The following UGGT1 variants were observed in gnomAD, a reference collection of about 807,000 sequenced individuals.
UGGT1 encodes UDP-glucose glycoprotein glucosyltransferase 1, also known as UDP-glucose:glycoprotein glucosyltransferase 1.
UGGT1 carries 107 observed loss-of-function variants against 203.9 expected under a neutral mutation model. The observed-to-expected ratio is 0.52, with a 90% CI of 0.45 to 0.62. UGGT1 has a LOEUF of 0.62. Among genes scored for constraint, UGGT1 ranks in the 20% least tolerant of loss-of-function variants. UGGT1 has a pLI of 0.00. For missense variants in UGGT1, 1,673 were observed against 1,867.2 expected (o/e 0.90, Z 1.92); for synonymous variants, 628 against 653.5 (o/e 0.96, Z 0.59).
Position 128,130,089 on chromosome 2 carries a change from C to T in UGGT1, c.1377+910C>T, listed in dbSNP as rs1036678434. ...CAGCCTGGCCAACATGGTGAAACCC[C>T]GTCTGTACTCAAAATACAAAAATTA... is the stretch of plus-strand genomic sequence containing the variant. On this transcript the variant is annotated intron_variant, in intron 13 of 40. Coordinates refer to ENST00000259253, the MANE Select transcript of UGGT1 (RefSeq NM_020120.4). 7.9e-5 allele frequency among the ~76,000 whole-genome samples: 12 copies of T among 152,002 alleles called. No individual in the cohort carries two copies. In the South Asian group the frequency reaches 8.3e-4, roughly 11 times the overall value.
In UGGT1 at chr2:128,177,971, G is replaced by A. The variant is rs151025557; in HGVS notation, c.3713+51G>A. 145 of 1,470,756 alleles carry A rather than the reference G, an allele frequency of 9.9e-5. No homozygotes were observed. The African/African-American group carries it at 2.0e-3, about 20-fold the overall frequency. 91.1% of individuals were successfully genotyped at this position (1,470,756 alleles called of 1,614,324 possible). A position where few individuals can be genotyped will look rare whatever the true frequency, so the allele number is the denominator to read the frequency against. Reference sequence around the variant, plus strand: ...TTTTTAAGGAAAAACTGAGATATAAGCACCATCCATCCCTCCTTTTTGCAT... The same window carrying A: ...TTTTTAAGGAAAAACTGAGATATAAACACCATCCATCCCTCCTTTTTGCAT... On this transcript the variant is annotated intron_variant, in intron 33 of 40. Coordinates refer to ENST00000259253, the MANE Select transcript of UGGT1 (RefSeq NM_020120.4).
chr2:128,171,003 A>G (rs185168485), intron 27 of UGGT1, among the ~76,000 whole-genome samples: 207 of 152,280 alleles, frequency 1.4e-3, no homozygotes, highest in African/African-American at 4.7e-3. Flanking sequence ...GCAGCAGCCT[A>G]CTTCCCATTG....
At chr2:128,133,946 A>G (rs1689004471) in intron 14 of UGGT1, among the ~76,000 whole-genome samples, 1 of 152,092 alleles carries the variant, frequency 6.6e-6, no homozygotes, top group Admixed American at 6.6e-5. Flanking sequence ...ACAGCCGGGA[A>G]AGAGATAGTG....
Position 128,169,048 on chromosome 2 carries a change from T to TAAAAAAAAAAA in UGGT1, c.2922-1207_2922-1197dup, listed in dbSNP as rs544381740. ...GGGTGAATGAGCGAGACTCTGTCTT[T>TAAAAAAAAAAA]AAAAAAAAAAAAAAAAAAAAAAAAA... is the stretch of plus-strand genomic sequence containing the variant. On this transcript the variant is annotated intron_variant, in intron 26 of 40. Coordinates refer to ENST00000259253, the MANE Select transcript of UGGT1 (RefSeq NM_020120.4). Among the ~76,000 whole-genome samples the TAAAAAAAAAAA allele has an allele frequency of 8.0e-4, 42 of 52,562 alleles. 2 individuals are homozygous for TAAAAAAAAAAA. Among genetic ancestry groups the TAAAAAAAAAAA allele is most frequent in the Non-Finnish European group, 1.3e-3 (40 of 30,880 alleles). 34.5% of individuals were successfully genotyped at this position (52,562 alleles called of 152,430 possible).
At chr2:128,165,751 C>A (rs556065782) in intron 26 of UGGT1, among the ~76,000 whole-genome samples, 1 of 151,842 alleles carries the variant, frequency 6.6e-6, no homozygotes, top group African/African-American at 2.4e-5. Flanking sequence ...TCTCATTCAT[C>A]TTTTATTGAA....
At position 128,177,739 on chromosome 2, in the gene UGGT1, T is replaced by C. The variant is rs1691470697; in HGVS notation, c.3625-93T>C. ...GTGAGAGAATTGATTGATAATTCCC[T>C]ATTGATGACAGGCTCACAGTGTATA... On this transcript the variant is annotated intron_variant, in intron 32 of 40. Transcript: ENST00000259253. The C allele has an allele frequency of 1.9e-5, 19 of 1,002,960 alleles. No individual in the cohort carries two copies. The South Asian group carries it at 3.5e-4, about 18-fold the overall frequency. The allele number at this position is 1,002,960 out of a possible 1,614,324, so 62.1% of individuals were successfully genotyped here.
rs1432732613 is a variant in UGGT1 at position 128,172,621 on chromosome 2, T to C, written c.3153T>C (p.Asn1051=). ...LEPEISFTSD[N]SFAKGPIAKF... Reference sequence around the variant, plus strand: ...CAGAGATTTCTTTCACTTCAGACAATAGTTTTGCTAAGGGTCCAATCGCAA... The same window carrying C: ...CAGAGATTTCTTTCACTTCAGACAACAGTTTTGCTAAGGGTCCAATCGCAA... The change falls in exon 29 of 41, where the codon AAT becomes AAC. Residue 1051 remains asparagine (N), a synonymous_variant. Coordinates refer to ENST00000259253, the MANE Select transcript of UGGT1 (RefSeq NM_020120.4). The C allele has an allele frequency of 4.3e-6, 7 of 1,614,168 alleles. No individual in the cohort carries two copies. Among genetic ancestry groups the C allele is most frequent in the Non-Finnish European group, 5.1e-6 (6 of 1,180,030 alleles).
chr2:128,105,350 T>A (rs998463054), intron 3 of UGGT1, among the ~76,000 whole-genome samples: 3 of 150,862 alleles, frequency 2.0e-5, no homozygotes, highest in African/African-American at 7.3e-5. Flanking sequence ...ATTAAAAAAA[T>A]TTTTTTTTGT....
chr2:128,126,684 C>CT lies in UGGT1; in HGVS notation c.1135-659dup, dbSNP rs61353741. Among the ~76,000 whole-genome samples the CT allele has an allele frequency of 5.0e-3, 597 of 119,692 alleles. 28 individuals carry two copies. Among genetic ancestry groups the CT allele is most frequent in the African/African-American group, 0.012 (397 of 32,278 alleles). 78.5% of individuals were successfully genotyped at this position (119,692 alleles called of 152,430 possible). ...TGCTATTCACCAGCTCAGGGTCAGT[C>CT]TTTTTTTTTTTTTTTTTTGAGACAG... is the stretch of plus-strand genomic sequence containing the variant. On this transcript the variant is annotated intron_variant, in intron 11 of 40. Coordinates refer to ENST00000259253, the MANE Select transcript of UGGT1 (RefSeq NM_020120.4).
At position 128,127,345 on chromosome 2, in the gene UGGT1, T is replaced by C. The variant is rs766061242; in HGVS notation, c.1135-16T>C. 56 of 1,581,416 alleles carry C rather than the reference T, an allele frequency of 3.5e-5. No homozygotes were observed. The East Asian group carries it at 6.0e-4, about 17-fold the overall frequency. On this transcript the variant is annotated splice_polypyrimidine_tract_variant and intron_variant, in intron 11 of 40. Coordinates refer to ENST00000259253, the MANE Select transcript of UGGT1 (RefSeq NM_020120.4). ...CATTCTCTCACAGCTCCCTAATAAT[T>C]ATTAAAATTTTTCAGTATTTCAAGG... is the stretch of plus-strand genomic sequence containing the variant.
intron 6 of UGGT1, 103 bp from the exon 7 acceptor site, chr2:128,115,021 C>T (rs56397917): frequency 0.37 from 352,633 of 942,398 alleles, 70,193 homozygotes; most frequent in Non-Finnish European, 0.41. Flanking sequence ...GGGCATAATC[C>T]GAGGTAATGG....
Position 128,170,334 on chromosome 2 carries a change from G to A in UGGT1, c.2968G>A (p.Val990Met). The A allele has an allele frequency of 6.2e-7, 1 of 1,614,224 alleles. No individual in the cohort carries two copies. Among genetic ancestry groups the A allele is most frequent in the South Asian group, 1.1e-5 (1 of 91,090 alleles). ...PKEGETYFDVVAVVDPVTREA... is the reference protein window; with the variant it reads ...PKEGETYFDVMAVVDPVTREA... ...GGAAGGGGAGACATACTTTGATGTT[G>A]TGGCTGTCGTTGACCCTGTCACCAG... Residue 990 changes from valine to methionine, a missense_variant, in exon 27 of 41, where the codon GTG becomes ATG. This residue lies in a region of UGGT1 where 1,073 missense variants were observed against 1,078.7 expected (regional missense o/e 0.99). Coordinates refer to ENST00000259253, the MANE Select transcript of UGGT1 (RefSeq NM_020120.4).
intron 11 of UGGT1, 81 bp from the exon 12 acceptor site, chr2:128,127,280 C>A: frequency 2.2e-6 from 2 of 927,054 alleles, no homozygotes; most frequent in Admixed American, 2.3e-5. Flanking sequence ...AAGATTTGTA[C>A]AGGTAGTGAA....
At chr2:128,148,862 C>A (rs1413546993) in intron 18 of UGGT1, among the ~76,000 whole-genome samples, 1 of 152,012 alleles carries the variant, frequency 6.6e-6, no homozygotes. Flanking sequence ...TTGACAGATA[C>A]CCCCAGGGAA....
At chr2:128,166,797 G>A (rs1029665712) in intron 26 of UGGT1, among the ~76,000 whole-genome samples, 1 of 152,192 alleles carries the variant, frequency 6.6e-6, no homozygotes, top group Non-Finnish European at 1.5e-5. Context: ...TACACTGATT[G>A]TGCCTCGGAA....
At chr2:128,108,381 A>C (rs1687699962) in intron 4 of UGGT1, among the ~76,000 whole-genome samples, 1 of 152,228 alleles carries the variant, frequency 6.6e-6, no homozygotes, top group Non-Finnish European at 1.5e-5. Context: ...TTCTAAAAGC[A>C]GTTCACAGGA....
At chr2:128,144,201 T>G (rs946460665) in intron 17 of UGGT1, among the ~76,000 whole-genome samples, 7 of 152,234 alleles carry the variant, frequency 4.6e-5, no homozygotes, top group Admixed American at 6.5e-5. Context: ...TGTTTGTGAG[T>G]GGCTCAGTAT....
At chr2:128,155,384 C>G in intron 19 of UGGT1, 105 bp from the exon 20 acceptor site, 1 of 818,480 alleles carries the variant, frequency 1.2e-6, no homozygotes. Flanking sequence ...ACTTCACTCA[C>G]GCATTTCTAT....
At position 128,098,591 on chromosome 2, in the gene UGGT1, C is replaced by G. The variant is rs1461514645; in HGVS notation, c.194+1027C>G. On this transcript the variant is annotated intron_variant, in intron 2 of 40. Transcript: ENST00000259253. Reference sequence around the variant, plus strand: ...GGCAACATGGGGAAACCCCGTCTCTCCAGAAAAAAATAGCTGAGTGTGGTG... The same window carrying G: ...GGCAACATGGGGAAACCCCGTCTCTGCAGAAAAAAATAGCTGAGTGTGGTG... Among the ~76,000 whole-genome samples, 3 of 151,738 alleles carry G rather than the reference C, an allele frequency of 2.0e-5. No homozygotes were observed. The East Asian group carries it at 5.8e-4, about 29-fold the overall frequency.
Sources: allele counts gnomAD v4.1 joint callset (sites outside exome capture counted in the v4.1 genomes callset), GRCh38; gene constraint gnomAD v4.1.1; regional missense constraint gnomAD v4.1.1; transcripts MANE v1.5; gene names NCBI Gene and HGNC (gene_info 2026-07-23, HGNC 2026-07-21).